Variants in EML4 observed in about 807,000 individuals in gnomAD.
EML4 encodes the protein echinoderm microtubule-associated protein-like 4.
EML4 carries 72 observed loss-of-function variants against 129.0 expected under a neutral mutation model. The ratio of observed to expected loss-of-function variants is 0.56; its 90% CI spans 0.46 to 0.68. The LOEUF is 0.68. Ranked by LOEUF, EML4 falls within the 30% of genes least tolerant of loss-of-function variation. The pLI is 0.00. For synonymous variants in EML4, 532 were observed against 405.0 expected, an observed-to-expected ratio of 1.31 and a Z score of -3.77; for missense variants, 1,363 against 1,190.6, an observed-to-expected ratio of 1.14 and a Z score of -2.13.
chr2:42,292,926 T>A (rs898292007), intron 11 of EML4, among the ~76,000 whole-genome samples: 2 of 152,206 alleles, frequency 1.3e-5, no homozygotes, highest in African/African-American at 4.8e-5. Context: ...ACCCTTTGAT[T>A]ATCTTAATTT....
intron 1 of EML4, among the ~76,000 whole-genome samples, chr2:42,243,116 C>A (rs1675149608): frequency 6.6e-6 from 1 of 152,056 alleles, no homozygotes; most frequent in South Asian, 2.1e-4. Flanking sequence ...CTGAAAAGGT[C>A]ATTTTATATG....
At chr2:42,238,224 T>A (rs1161337377) in intron 1 of EML4, among the ~76,000 whole-genome samples, 2 of 152,142 alleles carry the variant, frequency 1.3e-5, no homozygotes, top group African/African-American at 4.8e-5. Context: ...CTGAAACACT[T>A]CTGGTACCAA....
intron 3 of EML4, 140 bp downstream of exon 3, chr2:42,256,770 A>G: frequency 9.3e-7 from 1 of 1,072,136 alleles, no homozygotes; most frequent in Non-Finnish European, 1.3e-6. Context: ...CTGTGAAAGT[A>G]GAGACATTTA....
At position 42,330,057 on chromosome 2, in the gene EML4, G is replaced by A. The variant is rs1670019997; in HGVS notation, c.2796G>A (p.Glu932=). 6 of 1,613,382 alleles carry A rather than the reference G, an allele frequency of 3.7e-6. No homozygotes were observed. The highest frequency in any genetic ancestry group is 4.5e-5 in the East Asian group (2 of 44,864). ...LLENSLEQTV[E]PSEDHSEEES... is the part of the protein sequence containing the mutation. ...AGAACAGCCTGGAACAAACTGTGGAGCCAAGTGAAGACCACAGCGAGGAGG... is the reference window on the plus strand; with the variant it reads ...AGAACAGCCTGGAACAAACTGTGGAACCAAGTGAAGACCACAGCGAGGAGG... Residue 932 remains glutamate, a synonymous_variant, in exon 23 of 23, where the codon GAG becomes GAA. Transcript: ENST00000318522.
At chr2:42,244,081 GTTTTTTGTTTTTGTTTTTTGTTTTT>G (rs376689532) in intron 1 of EML4, among the ~76,000 whole-genome samples, 45,120 of 139,668 alleles carry the variant, frequency 0.32, 7,565 homozygotes, top group East Asian at 0.57. Flanking sequence ...TTTGTTTTTT[GTTTTTTGTTTTTGTTTTTTGTTTTT>G]TTTTTTTTTT....
chr2:42,322,784 T>TAG (rs763882216), intron 19 of EML4, among the ~76,000 whole-genome samples: 2 of 152,162 alleles, frequency 1.3e-5, no homozygotes, highest in Non-Finnish European at 2.9e-5. Flanking sequence ...GTGACTTGGG[T>TAG]AGAGGAAGGA....
intron 17 of EML4, among the ~76,000 whole-genome samples, chr2:42,315,565 A>G (rs1335943972): frequency 6.6e-6 from 1 of 152,174 alleles, no homozygotes; most frequent in Non-Finnish European, 1.5e-5. Context: ...CATTATTAAA[A>G]ATTCTTAAAA....
At chr2:42,314,765 A>G (rs1669143597) in intron 17 of EML4, among the ~76,000 whole-genome samples, 1 of 152,138 alleles carries the variant, frequency 6.6e-6, no homozygotes, top group African/African-American at 2.4e-5. Flanking sequence ...CCTCTCTCTT[A>G]TGCAGCCTTA....
intron 10 of EML4, among the ~76,000 whole-genome samples, chr2:42,287,603 A>G (rs1228574796): frequency 6.6e-6 from 1 of 152,200 alleles, no homozygotes. Flanking sequence ...AAAGCATTTA[A>G]TATCATCTAT....
chr2:42,302,790 T>A (rs1444230093), intron 14 of EML4, among the ~76,000 whole-genome samples: 1 of 152,198 alleles, frequency 6.6e-6, no homozygotes, highest in East Asian at 1.9e-4. Context: ...CGCATTGGCC[T>A]CCAAATGTGC....
At chr2:42,217,922 G>T (rs967590596) in intron 1 of EML4, among the ~76,000 whole-genome samples, 6 of 152,146 alleles carry the variant, frequency 3.9e-5, no homozygotes, top group African/African-American at 1.4e-4. Flanking sequence ...ACATCCGTAG[G>T]GTACTGGATT....
intron 1 of EML4, among the ~76,000 whole-genome samples, chr2:42,207,205 T>G (rs948301044): frequency 6.6e-6 from 1 of 152,234 alleles, no homozygotes; most frequent in Non-Finnish European, 1.5e-5. Context: ...ATTTGTAGTT[T>G]TATAAAAGTA....
At chr2:42,173,845 A>T (rs1402446940) in intron 1 of EML4, among the ~76,000 whole-genome samples, 1 of 152,170 alleles carries the variant, frequency 6.6e-6, no homozygotes, top group East Asian at 1.9e-4. Flanking sequence ...CTGCCTCTAA[A>T]AAATAAATAA....
chr2:42,279,531 C>A (rs897934511), intron 6 of EML4, among the ~76,000 whole-genome samples: 2 of 151,782 alleles, frequency 1.3e-5, no homozygotes, highest in Non-Finnish European at 2.9e-5. Context: ...GATCTTGGCT[C>A]ACTGCAAGCT....
At chr2:42,299,780 C>A (rs748280669) in intron 13 of EML4, among the ~76,000 whole-genome samples, 3 of 152,156 alleles carry the variant, frequency 2.0e-5, no homozygotes, top group Admixed American at 1.3e-4. Flanking sequence ...CCTCCGCCTC[C>A]CAGGTTCAAG....
At chr2:42,320,398 C>G (rs1669458924) in intron 19 of EML4, among the ~76,000 whole-genome samples, 1 of 151,822 alleles carries the variant, frequency 6.6e-6, no homozygotes, top group Non-Finnish European at 1.5e-5. Context: ...CCTGGGTACA[C>G]CAATTTTTTG....
chr2:42,292,283 G>A (rs1403041011), intron 11 of EML4, among the ~76,000 whole-genome samples: 1 of 152,168 alleles, frequency 6.6e-6, no homozygotes, highest in African/African-American at 2.4e-5. Flanking sequence ...GGCCCAAATT[G>A]TTCATCTCGG....
At position 42,304,492 on chromosome 2, in the gene EML4, A is replaced by T. The variant is rs749958372; in HGVS notation, c.1908A>T (p.Gly636=). Residue 636 remains glycine, a synonymous_variant, in exon 17 of 23, where the codon GGA becomes GGT. Transcript: ENST00000318522. ...LEWTRLVDEP[G]HCADFHPSGT... is the part of the protein sequence containing the mutation. ...GTCTGTCTCTTTTCTAGGAACCAGGACACTGTGCAGATTTTCATCCAAGTG... is the reference window on the plus strand; with the variant it reads ...GTCTGTCTCTTTTCTAGGAACCAGGTCACTGTGCAGATTTTCATCCAAGTG... 1 of 1,613,972 alleles carries T rather than the reference A, an allele frequency of 6.2e-7. No individual in the cohort carries two copies. Among genetic ancestry groups the T allele is most frequent in the Non-Finnish European group, 8.5e-7 (1 of 1,179,870 alleles).
intron 1 of EML4, among the ~76,000 whole-genome samples, chr2:42,185,910 G>T (rs1174832738): frequency 6.6e-6 from 1 of 152,140 alleles, no homozygotes; most frequent in Non-Finnish European, 1.5e-5. Flanking sequence ...AGTGGGATAG[G>T]AGATACAGAC....
Sources: allele counts gnomAD v4.1 joint callset (sites outside exome capture counted in the v4.1 genomes callset), GRCh38; gene constraint gnomAD v4.1.1; transcripts MANE v1.5; gene names NCBI Gene and HGNC (gene_info 2026-07-23, HGNC 2026-07-21).